TMEM45A: variants seen among roughly 807,000 people sequenced by gnomAD.
TMEM45A encodes transmembrane protein 45A.
A neutral mutation model predicts 32.0 loss-of-function variants in TMEM45A; 25 were observed. That is an observed-to-expected ratio of 0.78 (90% confidence interval 0.57 to 1.09). The LOEUF is 1.09. Ranked by LOEUF, TMEM45A falls within the 50% of genes least tolerant of loss-of-function variation. The probability of loss-of-function intolerance (pLI) is 0.00; values close to 1 mark genes in which losing one functional copy is unlikely to be tolerated. For synonymous variants in TMEM45A, 122 were observed against 114.8 expected (o/e 1.06, Z -0.40); for missense variants, 302 against 325.0 (o/e 0.93, Z 0.54).
chr3:100,556,358 C>A (rs368577818), intron 2 of TMEM45A, among the ~76,000 whole-genome samples: 72 of 152,326 alleles, frequency 4.7e-4, no homozygotes, highest in African/African-American at 1.7e-3. Context: ...CAAGCACAAT[C>A]CCCTATTTTA....
chr3:100,498,553 A>T (rs572795452), intron 1 of TMEM45A, among the ~76,000 whole-genome samples: 23 of 152,252 alleles, frequency 1.5e-4, no homozygotes, highest in African/African-American at 5.3e-4. Context: ...CCAATTCTCA[A>T]AATCAATCTG....
chr3:100,539,472 T>C lies in TMEM45A; in HGVS notation c.-3-15737T>C, dbSNP rs369188796. Among the ~76,000 whole-genome samples the C allele has an allele frequency of 8.7e-4, 121 of 139,112 alleles. 3 individuals carry two copies. The highest frequency in any genetic ancestry group is 1.3e-3 in the Non-Finnish European group (85 of 63,530). The allele number at this position is 139,112 out of a possible 152,430, so 91.3% of individuals were successfully genotyped here. A position where few individuals can be genotyped will look rare whatever the true frequency, so the allele number is the denominator to read the frequency against. On this transcript the variant is annotated intron_variant, in intron 1 of 5. Transcript: ENST00000323523. ...ATGTATATGTATATGTATATGTATA[T>C]GTATATGTATATGTATATGTATACG... is the stretch of plus-strand genomic sequence containing the variant.
chr3:100,539,653 G>A (rs1286727792), intron 1 of TMEM45A, among the ~76,000 whole-genome samples: 3 of 152,052 alleles, frequency 2.0e-5, no homozygotes, highest in Non-Finnish European at 4.4e-5. Context: ...ATGTCCAAGG[G>A]CAGGAGAAGA....
chr3:100,527,866 A>T (rs572295258), intron 1 of TMEM45A, among the ~76,000 whole-genome samples: 1 of 152,318 alleles, frequency 6.6e-6, no homozygotes, highest in East Asian at 1.9e-4. Flanking sequence ...GAGATTTGAA[A>T]ATATCCAGAA....
intron 1 of TMEM45A, among the ~76,000 whole-genome samples, chr3:100,539,468 T>TATATGCATATGCATATGC (rs1559644544): frequency 3.1e-5 from 4 of 127,696 alleles, no homozygotes; most frequent in Non-Finnish European, 7.0e-5. Context: ...TATGTATATG[T>TATATGCATATGCATATGC]ATATGTATAT....
intron 1 of TMEM45A, among the ~76,000 whole-genome samples, chr3:100,521,020 G>C (rs1394564140): frequency 6.6e-6 from 1 of 152,142 alleles, no homozygotes; most frequent in Non-Finnish European, 1.5e-5. Context: ...TTCATGAAGG[G>C]GGATATCTGC....
rs61585906 is a variant in TMEM45A at position 100,539,432 on chromosome 3, GATATGTATATGT to G, written c.-3-15725_-3-15714del. On this transcript the variant is annotated intron_variant, in intron 1 of 5. Coordinates refer to ENST00000323523, the MANE Select transcript of TMEM45A (RefSeq NM_018004.3). ...TCTCCAGAGAAACAGAACCCAATAG[GATATGTATATGT>G]ATATGTATATGTATATGTATATGTA... is the stretch of plus-strand genomic sequence containing the variant. Among the ~76,000 whole-genome samples, 314 of 83,086 alleles carry G rather than the reference GATATGTATATGT, an allele frequency of 3.8e-3. 7 individuals carry two copies. Among genetic ancestry groups the G allele is most frequent in the Admixed American group, 0.011 (80 of 7,406 alleles). The allele number at this position is 83,086 out of a possible 152,430, so 54.5% of individuals were successfully genotyped here.
chr3:100,508,808 TA>T lies in TMEM45A; in HGVS notation c.-4+15892del, dbSNP rs879392066. On this transcript the variant is annotated intron_variant, in intron 1 of 5. Coordinates refer to ENST00000323523, the MANE Select transcript of TMEM45A (RefSeq NM_018004.3). ...GAATAGACCCCTGTCTCTCACTATA[TA>T]AAAAAAAAAAACTCAAAATGGATTA... Among the ~76,000 whole-genome samples the T allele has an allele frequency of 6.5e-3, 925 of 141,338 alleles. 10 individuals carry two copies. The highest frequency in any genetic ancestry group is 0.021 in the African/African-American group (823 of 38,654). 92.7% of individuals were successfully genotyped at this position (141,338 alleles called of 152,430 possible). A position where few individuals can be genotyped will look rare whatever the true frequency, so the allele number is the denominator to read the frequency against.
chr3:100,523,029 C>A (rs941110273), intron 1 of TMEM45A, among the ~76,000 whole-genome samples: 1 of 152,226 alleles, frequency 6.6e-6, no homozygotes, highest in Non-Finnish European at 1.5e-5. Context: ...CCAGCATGAC[C>A]AGGATCCTTG....
chr3:100,544,047 CT>C (rs1559646061), intron 1 of TMEM45A, among the ~76,000 whole-genome samples: 3 of 150,824 alleles, frequency 2.0e-5, no homozygotes. Context: ...TAACTATTAG[CT>C]AATATTTGGA....
chr3:100,557,946 C>T (rs746223771), intron 3 of TMEM45A, among the ~76,000 whole-genome samples: 24 of 152,136 alleles, frequency 1.6e-4, no homozygotes, highest in Non-Finnish European at 3.1e-4. Flanking sequence ...TTCCTTAAGG[C>T]GATGCTTTGA....
At chr3:100,537,462 A>G (rs1341215257) in intron 1 of TMEM45A, among the ~76,000 whole-genome samples, 1 of 152,168 alleles carries the variant, frequency 6.6e-6, no homozygotes, top group Admixed American at 6.5e-5. Flanking sequence ...CCTTCCGCAC[A>G]CAAGGAAATC....
In TMEM45A at chr3:100,555,413, A is replaced by G. The variant is rs1197579895; in HGVS notation, c.190+12A>G. The G allele has an allele frequency of 1.2e-6, 2 of 1,603,050 alleles. No homozygotes were observed. The highest frequency in any genetic ancestry group is 1.7e-6 in the Non-Finnish European group (2 of 1,174,678). On this transcript the variant is annotated intron_variant, in intron 2 of 5. Transcript: ENST00000323523. Reference sequence around the variant, plus strand: ...CATGGCTTTAACTGGTGAGTGGACCATTCTGTGTTCTATTTTTACCTTTTA... The same window carrying G: ...CATGGCTTTAACTGGTGAGTGGACCGTTCTGTGTTCTATTTTTACCTTTTA...
At chr3:100,560,525 T>C (rs986498192) in intron 4 of TMEM45A, among the ~76,000 whole-genome samples, 2 of 152,230 alleles carry the variant, frequency 1.3e-5, no homozygotes, top group African/African-American at 2.4e-5. Context: ...TATTCTTTTT[T>C]TCTTATTATT....
intron 1 of TMEM45A, among the ~76,000 whole-genome samples, chr3:100,507,840 G>C (rs531345967): frequency 1.3e-5 from 2 of 151,988 alleles, no homozygotes; most frequent in East Asian, 1.9e-4. Flanking sequence ...TTTCCAAAGA[G>C]AGAAAAATAG....
chr3:100,556,843 G>C lies in TMEM45A; in HGVS notation c.274G>C (p.Gly92Arg), dbSNP rs764604843. Residue 92 changes from glycine (G) to arginine (R), a missense_variant, in exon 3 of 6, where the codon GGC (glycine) becomes CGC (arginine). Gly to Arg is a moderately radical substitution (Grantham distance 125). Coordinates refer to ENST00000323523, the MANE Select transcript of TMEM45A (RefSeq NM_018004.3). ...ACAAGGTCACTGGAATCAACTCCTGGGCTGGCATCATTTCACCATGTATTT... is the reference window on the plus strand; with the variant it reads ...ACAAGGTCACTGGAATCAACTCCTGCGCTGGCATCATTTCACCATGTATTT... ...YKQGHWNQLL[G>R]WHHFTMYFFF... 6.2e-7 allele frequency: 1 copy of C among 1,614,124 alleles called. No homozygotes were observed. Among genetic ancestry groups the C allele is most frequent in the Non-Finnish European group, 8.5e-7 (1 of 1,180,006 alleles).
At position 100,557,101 on chromosome 3, in the gene TMEM45A, G is replaced by A. The variant is rs548740764; in HGVS notation, c.403+129G>A. 69 of 1,077,432 alleles carry A rather than the reference G, an allele frequency of 6.4e-5. 1 individual carries two copies. The East Asian group carries it at 8.3e-4, about 13-fold the overall frequency. The allele number at this position is 1,077,432 out of a possible 1,614,324, so 66.7% of individuals were successfully genotyped here. A position where few individuals can be genotyped will look rare whatever the true frequency, so the allele number is the denominator to read the frequency against. ...TAGGACCATATATCTGGGCCATAAT[G>A]AAATATTTGGGTGTCCTAGGCAGGG... On this transcript the variant is annotated intron_variant, in intron 3 of 5. Transcript: ENST00000323523.
At chr3:100,553,637 A>G (rs1198728774) in intron 1 of TMEM45A, among the ~76,000 whole-genome samples, 1 of 152,246 alleles carries the variant, frequency 6.6e-6, no homozygotes, top group Non-Finnish European at 1.5e-5. Flanking sequence ...ATAATAAATC[A>G]AAGACTTTTA....
At chr3:100,514,947 G>C (rs1300258952) in intron 1 of TMEM45A, among the ~76,000 whole-genome samples, 4 of 149,732 alleles carry the variant, frequency 2.7e-5, no homozygotes, top group African/African-American at 7.5e-5. Flanking sequence ...ACACCAGTTA[G>C]AATGGCAATC....
Sources: allele counts gnomAD v4.1 joint callset (sites outside exome capture counted in the v4.1 genomes callset), GRCh38; gene constraint gnomAD v4.1.1; transcripts MANE v1.5; gene names NCBI Gene and HGNC (gene_info 2026-07-23, HGNC 2026-07-21).